Variants in INPP5D observed in about 807,000 individuals in gnomAD.
INPP5D encodes the protein inositol polyphosphate-5-phosphatase D.
Under a neutral mutation model 122.9 loss-of-function variants are expected in INPP5D, and 33 were observed. That is an observed-to-expected ratio of 0.27 (90% CI 0.20 to 0.36). The LOEUF is 0.36. INPP5D is among the 10% of genes least tolerant of loss of function. INPP5D has a pLI of 1.00. For missense variants in INPP5D, 1,053 were observed against 1,412.7 expected, an observed-to-expected ratio of 0.75 and a Z score of 4.08; for synonymous variants, 584 against 576.2, an observed-to-expected ratio of 1.01 and a Z score of -0.19.
At chr2:233,087,121 A>C (rs1040188930) in intron 2 of INPP5D, among the ~76,000 whole-genome samples, 2 of 152,152 alleles carry the variant, frequency 1.3e-5, no homozygotes, top group African/African-American at 4.8e-5. Context: ...CTTCGAGATC[A>C]GCTTCCGGGT....
At chr2:233,129,793 A>G (rs1372474050) in intron 4 of INPP5D, among the ~76,000 whole-genome samples, 1 of 152,182 alleles carries the variant, frequency 6.6e-6, no homozygotes, top group Non-Finnish European at 1.5e-5. Flanking sequence ...TCTAGATCCC[A>G]TCATCCTTCC....
At chr2:233,137,854 ATATATAT>A (rs1182411823) in intron 5 of INPP5D, among the ~76,000 whole-genome samples, 12 of 8,888 alleles carry the variant, frequency 1.4e-3, no homozygotes, top group African/African-American at 1.8e-3. Context: ...AAAAAAAAAA[ATATATAT>A]ATATATATAT....
intron 2 of INPP5D, among the ~76,000 whole-genome samples, chr2:233,115,654 G>A (rs1035627892): frequency 1.7e-4 from 26 of 152,236 alleles, no homozygotes; most frequent in African/African-American, 2.9e-4. Context: ...GTGCCAAGCC[G>A]TCAGACAAAG....
Position 233,164,023 on chromosome 2 carries a change from G to T in INPP5D, c.1437+120G>T. 1.4e-6 allele frequency: 2 copies of T among 1,453,536 alleles called. No individual in the cohort carries two copies. Among genetic ancestry groups the T allele is most frequent in the East Asian group, 2.5e-5 (1 of 40,430 alleles). The allele number at this position is 1,453,536 out of a possible 1,614,324, so 90.0% of individuals were successfully genotyped here. On this transcript the variant is annotated intron_variant, in intron 12 of 26. Transcript: ENST00000445964. This position sits in a 1 kb window ranked among gnomAD's most constrained non-coding sequence, Gnocchi z 4.3. ...TCTCAGTTTTCAAGGATGTCTGGAG[G>T]CCCCCACTGAGAGATGCGTCTGTAT... is the stretch of plus-strand genomic sequence containing the variant.
chr2:233,138,062 G>A (rs1477524806), intron 5 of INPP5D, among the ~76,000 whole-genome samples: 1 of 92,324 alleles, frequency 1.1e-5, no homozygotes, highest in Non-Finnish European at 2.3e-5. Context: ...TAAATAAAAA[G>A]CAAAGTAGGC....
intron 6 of INPP5D, 95 bp downstream of exon 6, chr2:233,140,024 C>T (rs1344044475): frequency 1.5e-5 from 6 of 393,084 alleles, no homozygotes; most frequent in Non-Finnish European, 2.2e-5. Context: ...GAGGGGAGCA[C>T]TGCCCATTGT....
Position 233,188,413 on chromosome 2 carries a change from C to T in INPP5D, c.2359-1437C>T, listed in dbSNP as rs755601897. On this transcript the variant is annotated intron_variant, in intron 21 of 26. Transcript: ENST00000445964. This position sits in a 1 kb window ranked among gnomAD's most constrained non-coding sequence, Gnocchi z 4.7. ...ATTTCCACTCCATCCCAGGGAGGAC[C>T]GGGTCTTCCTCCAGCATCCAAGAAC... Among the ~76,000 whole-genome samples, 3 of 152,120 alleles carry T rather than the reference C, an allele frequency of 2.0e-5. No homozygotes were observed. Among genetic ancestry groups the T allele is most frequent in the South Asian group, 2.1e-4 (1 of 4,824 alleles).
chr2:233,103,129 A>T (rs1158347477), intron 2 of INPP5D, among the ~76,000 whole-genome samples: 1 of 152,188 alleles, frequency 6.6e-6, no homozygotes, highest in African/African-American at 2.4e-5. Context: ...CTGCGTGCAC[A>T]GCAAGCTCTT....
At chr2:233,165,869 T>C (rs562270780) in intron 13 of INPP5D, among the ~76,000 whole-genome samples, 2 of 147,638 alleles carry the variant, frequency 1.4e-5, no homozygotes, top group African/African-American at 4.9e-5. Context: ...TGTGTGTGTG[T>C]GCCCGTGTGT....
chr2:233,160,086 A>G lies in INPP5D; in HGVS notation c.1138-1638A>G, dbSNP rs1200590345. Among the ~76,000 whole-genome samples the G allele has an allele frequency of 6.6e-6, 1 of 152,230 alleles. No individual in the cohort carries two copies. Among genetic ancestry groups the G allele is most frequent in the Admixed American group, 6.5e-5 (1 of 15,278 alleles). On this transcript the variant is annotated intron_variant, in intron 10 of 26. Coordinates refer to ENST00000445964, the MANE Select transcript of INPP5D (RefSeq NM_001017915.3). This position sits in a 1 kb window ranked among gnomAD's most constrained non-coding sequence, Gnocchi z 4.2. ...ACCTCAAAAGGACTGAGGCACAGGG[A>G]TAAATGGAGGCCATGAATCTTGAGC... is the stretch of plus-strand genomic sequence containing the variant.
chr2:233,163,622 C>T, intron 11 of INPP5D, 85 bp from the exon 12 acceptor site: 1 of 1,594,644 alleles, frequency 6.3e-7, no homozygotes, highest in Non-Finnish European at 8.5e-7. Flanking sequence ...ACCTCCCTCA[C>T]ACTCCCGCCC....
At chr2:233,112,974 TC>T (rs1692672424) in intron 2 of INPP5D, among the ~76,000 whole-genome samples, 1 of 152,098 alleles carries the variant, frequency 6.6e-6, no homozygotes, top group Non-Finnish European at 1.5e-5. Context: ...TACCTGTATA[TC>T]TTAAAAGCCC....
intron 18 of INPP5D, among the ~76,000 whole-genome samples, chr2:233,180,956 G>C (rs1694769064): frequency 6.6e-6 from 1 of 152,224 alleles, no homozygotes; most frequent in South Asian, 2.1e-4. Context: ...TTACAGGCAT[G>C]AGCCACCGTG....
In INPP5D at chr2:233,171,079, C is replaced by T. The variant is rs763702774; in HGVS notation, c.1916C>T (p.Thr639Met). The change falls in exon 17 of 27, where the codon ACG becomes ATG. Residue 639 changes from threonine (T) to methionine (M), a missense_variant. Thr to Met is a moderately conservative substitution (Grantham distance 81). Around this residue, in one of 6 missense-constraint regions of INPP5D, gnomAD observed 258 missense variants for 439.1 expected, o/e 0.59. Coordinates refer to ENST00000445964, the MANE Select transcript of INPP5D (RefSeq NM_001017915.3). ...TCTGTTTCAGAGGAGGAAGAAATCACGTTTGCCCCAACCTACCGTTTTGAG... is the reference window on the plus strand; with the variant it reads ...TCTGTTTCAGAGGAGGAAGAAATCATGTTTGCCCCAACCTACCGTTTTGAG... Reference protein sequence around the residue: ...VFLHFEEEEITFAPTYRFERL... With the variant: ...VFLHFEEEEIMFAPTYRFERL... The T allele has an allele frequency of 4.3e-6, 7 of 1,613,238 alleles. No homozygotes were observed. The South Asian group carries it at 4.4e-5, about 10-fold the overall frequency.
intron 5 of INPP5D, among the ~76,000 whole-genome samples, chr2:233,135,110 T>C (rs1453495516): frequency 6.6e-6 from 1 of 151,158 alleles, no homozygotes; most frequent in East Asian, 1.9e-4. Context: ...ATTTCCAGGC[T>C]TACAAAAGAG....
chr2:233,146,742 G>A (rs375233732), intron 8 of INPP5D, among the ~76,000 whole-genome samples: 1 of 152,080 alleles, frequency 6.6e-6, no homozygotes, highest in African/African-American at 2.4e-5. Flanking sequence ...GACATCAGAC[G>A]GGGCTGCAAA....
intron 2 of INPP5D, among the ~76,000 whole-genome samples, chr2:233,102,497 A>G (rs1559292189): frequency 6.6e-6 from 1 of 152,246 alleles, no homozygotes; most frequent in Non-Finnish European, 1.5e-5. Flanking sequence ...CAATTAATTC[A>G]GCTCAAATCA....
At chr2:233,182,902 T>C (rs1559339376) in intron 19 of INPP5D, among the ~76,000 whole-genome samples, 1 of 152,176 alleles carries the variant, frequency 6.6e-6, no homozygotes, top group Non-Finnish European at 1.5e-5. Context: ...GCACCATTAC[T>C]TTTCCATTTA....
intron 17 of INPP5D, among the ~76,000 whole-genome samples, chr2:233,173,819 G>T (rs1694552273): frequency 6.6e-6 from 1 of 152,058 alleles, no homozygotes; most frequent in African/African-American, 2.4e-5. Context: ...TGTAATCCCA[G>T]CTACTTGGGA....
Sources: allele counts gnomAD v4.1 joint callset (sites outside exome capture counted in the v4.1 genomes callset), GRCh38; gene constraint gnomAD v4.1.1; regional missense constraint gnomAD v4.1.1; non-coding constraint Gnocchi (gnomAD v3.1); transcripts MANE v1.5; gene names NCBI Gene and HGNC (gene_info 2026-07-23, HGNC 2026-07-21).